The following SLC44A1 variants were observed in gnomAD, a reference collection of about 807,000 sequenced individuals.
SLC44A1 encodes the protein choline transporter-like protein 1.
Under a neutral mutation model 79.3 loss-of-function variants are expected in SLC44A1, and 26 were observed. That is an observed-to-expected ratio of 0.33 (90% CI 0.24 to 0.46). The LOEUF (loss-of-function observed/expected upper bound fraction) is 0.46. Ranked by LOEUF, SLC44A1 falls within the 20% of genes least tolerant of loss-of-function variation. The pLI is 1.00. For synonymous variants in SLC44A1, 263 were observed against 286.2 expected, an observed-to-expected ratio of 0.92 and a Z score of 0.82; for missense variants, 688 against 798.1, an observed-to-expected ratio of 0.86 and a Z score of 1.66.
chr9:105,363,589 C>T (rs1278979848), intron 9 of SLC44A1, among the ~76,000 whole-genome samples: 3 of 149,498 alleles, frequency 2.0e-5, no homozygotes, highest in Non-Finnish European at 3.0e-5. Flanking sequence ...CTCAGCCTCC[C>T]GAGCAGCTGG....
At chr9:105,274,389 C>T (rs1043023998) in intron 1 of SLC44A1, among the ~76,000 whole-genome samples, 2 of 152,164 alleles carry the variant, frequency 1.3e-5, no homozygotes, top group African/African-American at 4.8e-5. Context: ...TCACTCCTGC[C>T]TCACTGCTTT....
rs765418292 is a variant in SLC44A1, at chr9:105,392,388, T to G, written c.*3332T>G. On this transcript the variant is annotated 3_prime_UTR_variant, in exon 16 of 16. Transcript: ENST00000374720. ...AAATGTTTTTCTTTTGTAGAGATGC[T>G]CTCTCTCTCTCTCTCTTTTTTTTTT... The G allele has an allele frequency of 3.2e-3, 2,556 of 802,858 alleles. 13 individuals are homozygous for G. The highest frequency in any genetic ancestry group is 3.5e-3 in the Non-Finnish European group (2,390 of 682,934). The allele number at this position is 802,858 out of a possible 1,614,324, so 49.7% of individuals were successfully genotyped here.
intron 15 of SLC44A1, among the ~76,000 whole-genome samples, chr9:105,386,922 C>T (rs28409512): frequency 0.084 from 12,065 of 143,060 alleles, 1,771 homozygotes; most frequent in African/African-American, 0.3. Flanking sequence ...GCCTATAATC[C>T]GAGTTACTTG....
At position 105,383,341 on chromosome 9, in the gene SLC44A1, T is replaced by C. The variant is rs771866783; in HGVS notation, c.1851T>C (p.Tyr617=). The change falls in exon 14 of 16, where the codon TAT becomes TAC. Residue 617 remains tyrosine (Y), a synonymous_variant. Coordinates refer to ENST00000374720, the MANE Select transcript of SLC44A1 (RefSeq NM_080546.5). ...ATGGGAGCCCTGGCAGAGAATTCTA[T>C]ATGGATAAAGTGCTGATGGTAAGTA... ...YNDGSPGREF[Y]MDKVLMEFVE... is the part of the protein sequence containing the mutation. 4.0e-5 allele frequency: 64 copies of C among 1,602,970 alleles called. No homozygotes were observed. The highest frequency in any genetic ancestry group is 5.0e-5 in the Non-Finnish European group (58 of 1,169,906).
chr9:105,334,144 T>C (rs1338175198), intron 3 of SLC44A1, among the ~76,000 whole-genome samples: 1 of 152,130 alleles, frequency 6.6e-6, no homozygotes, highest in African/African-American at 2.4e-5. Context: ...AACCTACTTC[T>C]AAACCTCATC....
chr9:105,300,113 C>T (rs144788775), intron 2 of SLC44A1, among the ~76,000 whole-genome samples: 1 of 152,174 alleles, frequency 6.6e-6, no homozygotes, highest in Non-Finnish European at 1.5e-5. Context: ...AAATCCTCAT[C>T]TAGTCCATCG....
At chr9:105,360,806 A>G (rs901864618) in intron 7 of SLC44A1, among the ~76,000 whole-genome samples, 1 of 152,168 alleles carries the variant, frequency 6.6e-6, no homozygotes, top group African/African-American at 2.4e-5. Flanking sequence ...TTTAAGCTTC[A>G]TTGATGTTTT....
intron 5 of SLC44A1, among the ~76,000 whole-genome samples, chr9:105,351,586 A>AG (rs1827422321): frequency 1.8e-4 from 19 of 107,532 alleles, no homozygotes; most frequent in African/African-American, 5.7e-4. Flanking sequence ...GAAAGAGAGA[A>AG]AGAGAGAAAG....
chr9:105,278,218 G>A (rs1246322998), intron 1 of SLC44A1, among the ~76,000 whole-genome samples: 6 of 149,872 alleles, frequency 4.0e-5, no homozygotes, highest in East Asian at 3.9e-4. Context: ...TGCCACTACC[G>A]CCTGGCTAAT....
intron 15 of SLC44A1, among the ~76,000 whole-genome samples, chr9:105,414,938 G>A (rs1829147673): frequency 6.6e-6 from 1 of 152,176 alleles, no homozygotes; most frequent in Non-Finnish European, 1.5e-5. Context: ...TGCTCTTGAT[G>A]AGAAAAGGAG....
chr9:105,372,420 C>A (rs1357681240), intron 12 of SLC44A1, among the ~76,000 whole-genome samples: 1 of 151,776 alleles, frequency 6.6e-6, no homozygotes, highest in African/African-American at 2.4e-5. Flanking sequence ...TCCGAGTAGC[C>A]GGGATTACAG....
intron 2 of SLC44A1, among the ~76,000 whole-genome samples, chr9:105,308,303 C>T (rs1221620787): frequency 6.6e-6 from 1 of 152,144 alleles, no homozygotes; most frequent in Non-Finnish European, 1.5e-5. Flanking sequence ...TACTATATGC[C>T]AGGCAGGTTT....
rs564943752 is a variant in SLC44A1 at position 105,316,221 on chromosome 9, G to GT, written c.269+6359dup. On this transcript the variant is annotated intron_variant, in intron 3 of 15. Coordinates refer to ENST00000374720, the MANE Select transcript of SLC44A1 (RefSeq NM_080546.5). ...ACAAATTATTATAGCTATAGGAAGC[G>GT]TTTTGAAGAGAGAGGTGTAAGGGTA... 1.8e-3 allele frequency among the ~76,000 whole-genome samples: 267 copies of GT among 152,178 alleles called. 1 individual carries two copies. The highest frequency in any genetic ancestry group is 3.4e-3 in the Middle Eastern group (1 of 292).
intron 4 of SLC44A1, among the ~76,000 whole-genome samples, chr9:105,341,982 C>T (rs1458068461): frequency 2.0e-5 from 3 of 152,256 alleles, no homozygotes; most frequent in Non-Finnish European, 4.4e-5. Flanking sequence ...AAAACTGAAA[C>T]CATCTGGTGA....
At chr9:105,349,795 C>T (rs994410552) in intron 5 of SLC44A1, among the ~76,000 whole-genome samples, 2 of 152,012 alleles carry the variant, frequency 1.3e-5, no homozygotes, top group African/African-American at 4.8e-5. Flanking sequence ...CATATTATGA[C>T]AGTATAGCCA....
intron 15 of SLC44A1, among the ~76,000 whole-genome samples, chr9:105,405,646 C>CA (rs974185374): frequency 9.4e-4 from 140 of 149,484 alleles, no homozygotes; most frequent in Non-Finnish European, 1.5e-3. Flanking sequence ...ACCTTGTTCT[C>CA]AAAAAAAAAA....
At position 105,264,256 on chromosome 9, in the gene SLC44A1, C is replaced by A. The variant is rs561748697; in HGVS notation, c.36+19352C>A. 2.0e-5 allele frequency among the ~76,000 whole-genome samples: 3 copies of A among 152,252 alleles called. No individual in the cohort carries two copies. In the East Asian group the frequency reaches 5.8e-4, roughly 29 times the overall value. On this transcript the variant is annotated intron_variant, in intron 1 of 15. Coordinates refer to ENST00000374720, the MANE Select transcript of SLC44A1 (RefSeq NM_080546.5). ...ATAGCTCACTGCAGCCTCAACCTCC[C>A]AGGCTCAAGTGATCCTCCCACCTCA...
At chr9:105,333,300 G>A (rs1009732775) in intron 3 of SLC44A1, among the ~76,000 whole-genome samples, 1 of 151,972 alleles carries the variant, frequency 6.6e-6, no homozygotes, top group South Asian at 2.1e-4. Context: ...TTCCCCAGAT[G>A]GTTCTCAAGG....
At chr9:105,294,413 G>A (rs972773765) in intron 1 of SLC44A1, among the ~76,000 whole-genome samples, 3 of 151,766 alleles carry the variant, frequency 2.0e-5, no homozygotes, top group African/African-American at 7.3e-5. Flanking sequence ...TCATGTCTGA[G>A]AGATCTTCTG....
Sources: allele counts gnomAD v4.1 joint callset (sites outside exome capture counted in the v4.1 genomes callset), GRCh38; gene constraint gnomAD v4.1.1; transcripts MANE v1.5; gene names NCBI Gene and HGNC (gene_info 2026-07-23, HGNC 2026-07-21).